The following CFAP65 variants were observed in gnomAD, a reference collection of about 807,000 sequenced individuals.
The protein encoded by CFAP65 is cilia and flagella associated protein 65, also known as cilia- and flagella-associated protein 65.
CFAP65 carries 155 observed loss-of-function variants against 208.0 expected under a neutral mutation model. The observed-to-expected ratio is 0.75, with a 90% CI of 0.65 to 0.85. The LOEUF is 0.85. Among genes scored for constraint, CFAP65 ranks in the 40% least tolerant of loss-of-function variants. CFAP65 has a pLI of 0.00. For synonymous variants in CFAP65, 970 were observed against 986.3 expected, an observed-to-expected ratio of 0.98 and a Z score of 0.31; for missense variants, 2,294 against 2,451.3, an observed-to-expected ratio of 0.94 and a Z score of 1.36.
At chr2:219,027,280 C>G in intron 13 of CFAP65, 1 of 1,375,602 alleles carries the variant, frequency 7.3e-7, no homozygotes, top group Non-Finnish European at 9.4e-7. Context: ...GCTTCCTGCC[C>G]GCTCAAAGCT....
intron 1 of CFAP65, among the ~76,000 whole-genome samples, chr2:219,041,039 C>T (rs1030825629): frequency 6.6e-6 from 1 of 152,256 alleles, no homozygotes; most frequent in African/African-American, 2.4e-5. Context: ...AAAAGACTCA[C>T]ACATCTGCAG....
At chr2:219,024,371 T>G in intron 14 of CFAP65, 111 bp from the exon 15 acceptor site, 2 of 1,350,920 alleles carry the variant, frequency 1.5e-6, no homozygotes. Context: ...AGATCAGAGG[T>G]GCTGCCCTGC....
intron 13 of CFAP65, 86 bp downstream of exon 13, chr2:219,027,564 C>T: frequency 1.2e-6 from 2 of 1,613,014 alleles, no homozygotes; most frequent in Non-Finnish European, 1.7e-6. Flanking sequence ...CCTGAAGCTG[C>T]CCTCGGTCAC....
chr2:219,005,959 TCTGGAGTGGAAGAGGGGA>T, intron 31 of CFAP65, 44 bp downstream of exon 31: 1 of 1,539,596 alleles, frequency 6.5e-7, no homozygotes, highest in South Asian at 1.2e-5. Context: ...CAGCCCCTGC[TCTGGAGTGGAAGAGGGGA>T]CAGAGAGAAG....
chr2:219,038,419 CGTT>C lies in CFAP65; in HGVS notation c.310_312del (p.Asn104del). ...CAGGCACTCATGGCTGCACTGCTGT[CGTT>C]GATGGCAGGGATGGCCACTGTGCTG... On this transcript the variant is annotated inframe_deletion, in exon 4 of 35. Coordinates refer to ENST00000341552, the MANE Select transcript of CFAP65 (RefSeq NM_194302.4). 6.2e-7 allele frequency: 1 copy of C among 1,613,702 alleles called. No individual in the cohort carries two copies.
rs150380045 is a variant in CFAP65, at chr2:219,038,357, C to T, written c.357+18G>A. 1.2e-6 allele frequency: 2 copies of T among 1,610,606 alleles called. No homozygotes were observed. The highest frequency in any genetic ancestry group is 2.7e-5 in the African/African-American group (2 of 74,810). ...GCCCTGCCACACCCTGCTCTGCCTG[C>T]CCTGGCTGTATCCTTACCTGGGCGC... is the stretch of plus-strand genomic sequence containing the variant. On this transcript the variant is annotated intron_variant, in intron 4 of 34. Coordinates refer to ENST00000341552, the MANE Select transcript of CFAP65 (RefSeq NM_194302.4).
At position 219,037,757 on chromosome 2, in the gene CFAP65, C is replaced by T. The variant is rs146468637; in HGVS notation, c.357+618G>A. Among the ~76,000 whole-genome samples the T allele has an allele frequency of 3.3e-3, 503 of 152,240 alleles. 5 individuals carry two copies. The highest frequency in any genetic ancestry group is 0.012 in the African/African-American group (484 of 41,518). ...ACAGAGATGTCTTTTAAAACATGAC[C>T]CTCAGTCCACAGGGAGGCAAGGGCA... On this transcript the variant is annotated intron_variant, in intron 4 of 34. Coordinates refer to ENST00000341552, the MANE Select transcript of CFAP65 (RefSeq NM_194302.4).
chr2:219,003,103 G>C lies in CFAP65; in HGVS notation c.5693+32C>G, dbSNP rs899583835. The C allele has an allele frequency of 1.3e-6, 2 of 1,543,832 alleles. No homozygotes were observed. The highest frequency in any genetic ancestry group is 4.9e-5 in the East Asian group (2 of 40,678). On this transcript the variant is annotated intron_variant, in intron 34 of 34. Transcript: ENST00000341552. The surrounding 1 kb of genome is among the most constrained non-coding windows in gnomAD (Gnocchi z 4.4). ...CTGCCCCCGTGGCCCCTCTCGCGCGGTCTGCGCGGCCGCTGGTCCCGGCGC... is the reference window on the plus strand; with the variant it reads ...CTGCCCCCGTGGCCCCTCTCGCGCGCTCTGCGCGGCCGCTGGTCCCGGCGC...
intron 4 of CFAP65, among the ~76,000 whole-genome samples, chr2:219,036,400 A>T (rs2106264130): frequency 6.6e-6 from 1 of 151,428 alleles, no homozygotes; most frequent in Non-Finnish European, 1.5e-5. Flanking sequence ...TGCCTCCTCC[A>T]ACCACAGTCA....
chr2:219,028,368 G>T lies in CFAP65; in HGVS notation c.1684C>A (p.His562Asn), dbSNP rs1432682197. The T allele has an allele frequency of 3.1e-6, 5 of 1,613,526 alleles. No homozygotes were observed. Among genetic ancestry groups the T allele is most frequent in the Non-Finnish European group, 4.2e-6 (5 of 1,179,962 alleles). The change falls in exon 12 of 35, where the codon CAC becomes AAC. Residue 562 changes from histidine (H) to asparagine (N), a missense_variant. Coordinates refer to ENST00000341552, the MANE Select transcript of CFAP65 (RefSeq NM_194302.4). ...PLFLDLMGTC[H>N]SDSTKPAILK... ...ATGGCTGGCTTGGTGCTGTCCGAGT[G>T]GCAGGTCCCCATCAGGTCCAGGAAC... is the stretch of plus-strand genomic sequence containing the variant.
intron 9 of CFAP65, 99 bp downstream of exon 9, chr2:219,030,590 G>T: frequency 8.1e-6 from 12 of 1,475,484 alleles, no homozygotes; most frequent in Non-Finnish European, 1.1e-5. Flanking sequence ...TGGGGCCAAA[G>T]GCATGGAGAG....
At chr2:219,022,381 G>A (rs1486314066) in intron 16 of CFAP65, 52 bp from the exon 17 acceptor site, 7 of 1,556,904 alleles carry the variant, frequency 4.5e-6, no homozygotes, top group Non-Finnish European at 6.1e-6. Flanking sequence ...CCCTCCACAG[G>A]TACCTGGCCA....
In CFAP65 at chr2:219,022,229, GC is replaced by G; in HGVS notation, c.2920del (p.Ala974LeufsTer33). On this transcript the variant is annotated frameshift_variant, in exon 17 of 35. Transcript: ENST00000341552. LOFTEE classifies it high-confidence loss of function. ...CCGGAGCATGTAGTGGGTGGTGGCA[GC>G]GGGGTTGGCATTTGGGGACAGGCCG... ...EAGLSPNANPAATTHYMLRLV... is the reference protein window; with the variant it reads ...EAGLSPNANPXATTHYMLRLV... 1 of 1,606,464 alleles carries G rather than the reference GC, an allele frequency of 6.2e-7. No individual in the cohort carries two copies. Among genetic ancestry groups the G allele is most frequent in the South Asian group, 1.1e-5 (1 of 89,486 alleles).
At chr2:219,018,981 A>C (rs770654894) in intron 21 of CFAP65, 70 bp downstream of exon 21, 33 of 1,593,272 alleles carry the variant, frequency 2.1e-5, no homozygotes, top group Non-Finnish European at 2.4e-5. Context: ...AAGAGAGTGC[A>C]GCTCTTGTTC....
chr2:219,013,888 C>T lies in CFAP65; in HGVS notation c.3759G>A (p.Gln1253=), dbSNP rs780475714. The change falls in exon 22 of 35, where the codon CAG becomes CAA. Residue 1253 remains glutamine (Q), a synonymous_variant. Transcript: ENST00000341552. ...KAGSLSPGQE[Q]MVELKYSHLF... ...AACACCTGTATTTTAACTCCACCATCTGCTCCTGCCCAGGACTCAGGCTCC... is the reference window on the plus strand; with the variant it reads ...AACACCTGTATTTTAACTCCACCATTTGCTCCTGCCCAGGACTCAGGCTCC... 4 of 1,606,156 alleles carry T rather than the reference C, an allele frequency of 2.5e-6. No individual in the cohort carries two copies. The East Asian group carries it at 8.9e-5, about 36-fold the overall frequency.
At chr2:219,025,970 A>G (rs755848086) in intron 14 of CFAP65, 52 bp downstream of exon 14, 3 of 1,487,488 alleles carry the variant, frequency 2.0e-6, no homozygotes, top group Admixed American at 3.5e-5. Flanking sequence ...AGGCCAAGGC[A>G]GAAGCTAGGG....
chr2:219,005,329 T>G, intron 32 of CFAP65, 105 bp downstream of exon 32: 1 of 1,480,464 alleles, frequency 6.8e-7, no homozygotes, highest in Non-Finnish European at 9.4e-7. Context: ...CCCCACCAAG[T>G]TCTATTTCTC....
In CFAP65 at chr2:219,032,580, A is replaced by G. The variant is rs768071900; in HGVS notation, c.543-8T>C. The G allele has an allele frequency of 2.5e-6, 4 of 1,586,782 alleles. No homozygotes were observed. Among genetic ancestry groups the G allele is most frequent in the Non-Finnish European group, 3.4e-6 (4 of 1,166,146 alleles). ...AACTTGGTCTTGGGGGGCCTGCAGG[A>G]GAGAGCCGGTGGGGAGCACCTCAGA... On this transcript the variant is annotated splice_region_variant and splice_polypyrimidine_tract_variant and intron_variant, in intron 5 of 34. Coordinates refer to ENST00000341552, the MANE Select transcript of CFAP65 (RefSeq NM_194302.4). The surrounding 1 kb of genome is among the most constrained non-coding windows in gnomAD (Gnocchi z 5.5).
intron 14 of CFAP65, among the ~76,000 whole-genome samples, chr2:219,024,480 G>A (rs1387217533): frequency 1.4e-5 from 2 of 138,338 alleles, no homozygotes; most frequent in Non-Finnish European, 3.1e-5. Flanking sequence ...AGGGGCGGGG[G>A]GGGGGCAGGG....
Sources: allele counts gnomAD v4.1 joint callset (sites outside exome capture counted in the v4.1 genomes callset), GRCh38; gene constraint gnomAD v4.1.1; non-coding constraint Gnocchi (gnomAD v3.1); transcripts MANE v1.5; gene names NCBI Gene and HGNC (gene_info 2026-07-23, HGNC 2026-07-21).